LUZP2: variants seen among roughly 807,000 people sequenced by gnomAD.
The protein encoded by LUZP2 is leucine zipper protein 2.
Under a neutral mutation model 51.6 loss-of-function variants are expected in LUZP2, and 52 were observed. That is an observed-to-expected ratio of 1.01 (90% confidence interval 0.81 to 1.27). LUZP2 has a LOEUF of 1.27. Ranked by LOEUF, LUZP2 falls within the 50% of genes most tolerant of loss-of-function variation. The probability of loss-of-function intolerance (pLI) is 0.00; values close to 1 mark genes in which losing one functional copy is unlikely to be tolerated. For missense variants in LUZP2, 436 were observed against 395.4 expected (o/e 1.10, Z -0.87); for synonymous variants, 154 against 137.3 (o/e 1.12, Z -0.85).
intron 5 of LUZP2, among the ~76,000 whole-genome samples, chr11:24,784,451 A>G (rs1368190364): frequency 6.6e-6 from 1 of 152,002 alleles, no homozygotes; most frequent in Non-Finnish European, 1.5e-5. Context: ...AGATTTTTGT[A>G]AATACTCTTT....
chr11:24,701,276 T>A (rs189528354), intron 1 of LUZP2: 99 of 163,520 alleles, frequency 6.1e-4, no homozygotes. Context: ...GCTGCCCAGA[T>A]GCCCAAGAGG....
intron 1 of LUZP2, among the ~76,000 whole-genome samples, chr11:24,529,249 G>A (rs1221643285): frequency 6.6e-6 from 1 of 151,020 alleles, no homozygotes; most frequent in Non-Finnish European, 1.5e-5. Flanking sequence ...CATAGTAACA[G>A]GTGCATTGTA....
intron 1 of LUZP2, among the ~76,000 whole-genome samples, chr11:24,681,784 A>G (rs776377601): frequency 3.9e-5 from 6 of 152,178 alleles, no homozygotes; most frequent in Admixed American, 6.5e-5. Flanking sequence ...AATTCAATTT[A>G]TTTTGTACTA....
At chr11:24,770,112 A>G (rs1860353297) in intron 5 of LUZP2, among the ~76,000 whole-genome samples, 1 of 152,204 alleles carries the variant, frequency 6.6e-6, no homozygotes, top group Admixed American at 6.5e-5. Flanking sequence ...CTCAAAGTTC[A>G]GAATGTATTC....
At chr11:24,908,267 A>G (rs559028758) in intron 6 of LUZP2, among the ~76,000 whole-genome samples, 1 of 152,326 alleles carries the variant, frequency 6.6e-6, no homozygotes, top group Admixed American at 6.5e-5. Flanking sequence ...GGAAGCTACT[A>G]TAAACACCAT....
At chr11:24,744,004 T>C (rs913309106) in intron 4 of LUZP2, among the ~76,000 whole-genome samples, 2 of 152,132 alleles carry the variant, frequency 1.3e-5, no homozygotes, top group Non-Finnish European at 2.9e-5. Context: ...TCTGTTTATG[T>C]GGTGTATCCC....
chr11:25,070,379 A>AAAGAT (rs1425664126), intron 10 of LUZP2, among the ~76,000 whole-genome samples: 1 of 152,002 alleles, frequency 6.6e-6, no homozygotes, highest in Non-Finnish European at 1.5e-5. Flanking sequence ...AAGGCAAAGC[A>AAAGAT]AAGATAAGAT....
intron 5 of LUZP2, among the ~76,000 whole-genome samples, chr11:24,877,396 C>G (rs1025519881): frequency 6.7e-6 from 1 of 149,844 alleles, no homozygotes; most frequent in Non-Finnish European, 1.5e-5. Flanking sequence ...AAAAATCAAC[C>G]TCCAACTCTA....
intron 7 of LUZP2, 40 bp from the exon 8 acceptor site, chr11:24,976,551 T>A: frequency 7.1e-7 from 1 of 1,402,344 alleles, no homozygotes; most frequent in South Asian, 1.3e-5. Flanking sequence ...CAGAGGGAAA[T>A]TGCAGAATTT....
chr11:24,924,095 T>G (rs1354751957), intron 7 of LUZP2, among the ~76,000 whole-genome samples: 1 of 151,390 alleles, frequency 6.6e-6, no homozygotes, highest in African/African-American at 2.4e-5. Context: ...TTTTCTTTAA[T>G]TGAGACGGAG....
intron 1 of LUZP2, among the ~76,000 whole-genome samples, chr11:24,708,241 C>G (rs1857675825): frequency 6.6e-6 from 1 of 152,182 alleles, no homozygotes; most frequent in South Asian, 2.1e-4. Context: ...ATTCTTCCCT[C>G]AGCCTACTGA....
At chr11:24,816,672 G>A (rs953646190) in intron 5 of LUZP2, among the ~76,000 whole-genome samples, 1 of 151,930 alleles carries the variant, frequency 6.6e-6, no homozygotes, top group Non-Finnish European at 1.5e-5. Flanking sequence ...ACAAACATTA[G>A]TTATTTCACT....
intron 1 of LUZP2, among the ~76,000 whole-genome samples, chr11:24,599,390 G>A (rs1853548621): frequency 6.6e-6 from 1 of 152,016 alleles, no homozygotes; most frequent in South Asian, 2.1e-4. Context: ...GTTCTTGCAA[G>A]TTTACTCTCC....
At chr11:24,953,841 T>A (rs10767281) in intron 7 of LUZP2, among the ~76,000 whole-genome samples, 73,087 of 151,690 alleles carry the variant, frequency 0.48, 17,929 homozygotes, top group East Asian at 0.74. Flanking sequence ...AGCAAAACAG[T>A]TGCAAATCCC....
At chr11:24,535,069 A>AGTCT (rs1428761576) in intron 1 of LUZP2, among the ~76,000 whole-genome samples, 1 of 151,352 alleles carries the variant, frequency 6.6e-6, no homozygotes, top group Non-Finnish European at 1.5e-5. Context: ...GCTCTACTAT[A>AGTCT]GTCTATTAAG....
chr11:24,534,872 C>T (rs1356426005), intron 1 of LUZP2, among the ~76,000 whole-genome samples: 1 of 151,208 alleles, frequency 6.6e-6, no homozygotes, highest in East Asian at 2.0e-4. Context: ...CAATGCAGGT[C>T]CTTGGTTGAA....
chr11:24,686,161 A>G (rs914232286), intron 1 of LUZP2, among the ~76,000 whole-genome samples: 5 of 152,006 alleles, frequency 3.3e-5, no homozygotes, highest in African/African-American at 1.2e-4. Context: ...CTGTGAATGG[A>G]TATCTTATAA....
intron 9 of LUZP2, among the ~76,000 whole-genome samples, chr11:25,033,257 G>T (rs1022269376): frequency 1.3e-4 from 20 of 152,256 alleles, no homozygotes; most frequent in African/African-American, 3.9e-4. Context: ...TTTGAAAACT[G>T]TATATTAACC....
At chr11:24,573,912 G>T (rs1053266205) in intron 1 of LUZP2, among the ~76,000 whole-genome samples, 1 of 151,080 alleles carries the variant, frequency 6.6e-6, no homozygotes, top group Non-Finnish European at 1.5e-5. Context: ...AAGTTTTAGG[G>T]TACATGTGCA....
Sources: gnomAD v4.1 joint callset for allele counts (sites outside exome capture counted in the v4.1 genomes callset) on GRCh38, gnomAD v4.1.1 for gene constraint, MANE v1.5 for transcripts, NCBI Gene and HGNC (gene_info 2026-07-23, HGNC 2026-07-21) for gene names.